Variants in GPC6 observed in about 807,000 individuals in gnomAD.
GPC6 encodes glypican 6.
Under a neutral mutation model 55.2 loss-of-function variants are expected in GPC6, and 14 were observed. The observed-to-expected ratio is 0.25, with a 90% CI of 0.17 to 0.40. GPC6 has a LOEUF of 0.40. Among genes scored for constraint, GPC6 ranks in the 10% least tolerant of loss-of-function variants. GPC6 has a pLI of 1.00. For missense variants in GPC6, 641 were observed against 708.5 expected (o/e 0.90, Z 1.08); for synonymous variants, 278 against 259.6 (o/e 1.07, Z -0.68).
chr13:93,533,274 A>C (rs1018237857), intron 1 of GPC6, among the ~76,000 whole-genome samples: 2 of 152,358 alleles, frequency 1.3e-5, no homozygotes, highest in Admixed American at 6.5e-5. Context: ...AGAACAGTCC[A>C]GGTCTATTAA....
chr13:93,587,501 C>G (rs1009420483), intron 2 of GPC6, among the ~76,000 whole-genome samples: 4 of 152,042 alleles, frequency 2.6e-5, no homozygotes, highest in Non-Finnish European at 4.4e-5. Flanking sequence ...TTAGCTTGGC[C>G]CAAATATGAT....
intron 6 of GPC6, among the ~76,000 whole-genome samples, chr13:94,375,144 TAAAAG>T (rs1413482971): frequency 1.3e-5 from 2 of 149,756 alleles, no homozygotes; most frequent in Non-Finnish European, 3.0e-5. Flanking sequence ...ACATCACAAT[TAAAAG>T]AACTAGAAAA....
intron 2 of GPC6, among the ~76,000 whole-genome samples, chr13:93,732,194 A>T (rs1189101953): frequency 6.6e-6 from 1 of 152,084 alleles, no homozygotes; most frequent in Non-Finnish European, 1.5e-5. Flanking sequence ...TGTCCCTGCA[A>T]ATTTATGCTG....
chr13:93,577,755 A>C (rs1876733401), intron 2 of GPC6, among the ~76,000 whole-genome samples: 1 of 151,980 alleles, frequency 6.6e-6, no homozygotes, highest in South Asian at 2.1e-4. Context: ...ATGTTAAATA[A>C]GAGTGGTGAA....
intron 4 of GPC6, among the ~76,000 whole-genome samples, chr13:94,176,776 T>C (rs1888790574): frequency 6.6e-6 from 1 of 152,158 alleles, no homozygotes; most frequent in Non-Finnish European, 1.5e-5. Context: ...AAATAAATGT[T>C]TCCTCAGAAC....
intron 1 of GPC6, among the ~76,000 whole-genome samples, chr13:93,400,850 G>A: frequency 6.6e-6 from 1 of 152,134 alleles, no homozygotes; most frequent in East Asian, 1.9e-4. Context: ...CAGAGCTGGG[G>A]GATGTGGGAA....
intron 6 of GPC6, among the ~76,000 whole-genome samples, chr13:94,367,965 A>G (rs1879357221): frequency 1.3e-5 from 2 of 151,962 alleles, no homozygotes; most frequent in Non-Finnish European, 2.9e-5. Context: ...CCTGGCCAAC[A>G]TGGTGAAACC....
intron 3 of GPC6, among the ~76,000 whole-genome samples, chr13:93,964,514 G>C (rs1879931249): frequency 6.6e-6 from 1 of 152,182 alleles, no homozygotes; most frequent in South Asian, 2.1e-4. Context: ...CATCCCCTAG[G>C]AGGGCTAATC....
chr13:94,328,939 T>A (rs1566681151), intron 6 of GPC6, among the ~76,000 whole-genome samples: 1 of 152,322 alleles, frequency 6.6e-6, no homozygotes, highest in Non-Finnish European at 1.5e-5. Flanking sequence ...ACTGTAAGCT[T>A]CTGTGTGAGT....
intron 4 of GPC6, among the ~76,000 whole-genome samples, chr13:94,085,321 CA>C (rs33967804): frequency 0.029 from 2,515 of 86,868 alleles, 72 homozygotes; most frequent in African/African-American, 0.1. Context: ...GATTCTGTCT[CA>C]AAAAAAAAAA....
At chr13:94,246,137 C>A (rs924974257) in intron 4 of GPC6, among the ~76,000 whole-genome samples, 7 of 151,896 alleles carry the variant, frequency 4.6e-5, no homozygotes, top group African/African-American at 1.7e-4. Flanking sequence ...TTTTTATGTG[C>A]CTGATGGCCA....
At chr13:93,343,687 G>A (rs1880338253) in intron 1 of GPC6, among the ~76,000 whole-genome samples, 1 of 152,024 alleles carries the variant, frequency 6.6e-6, no homozygotes, top group Non-Finnish European at 1.5e-5. Flanking sequence ...CTATAGAATT[G>A]TCATTCCTTA....
chr13:93,242,203 C>T (rs930814964), intron 1 of GPC6, among the ~76,000 whole-genome samples: 2 of 152,140 alleles, frequency 1.3e-5, no homozygotes, highest in African/African-American at 4.8e-5. Flanking sequence ...ATGGTGAGCA[C>T]ACATCCCAGC....
At chr13:93,961,932 A>G (rs541078971) in intron 3 of GPC6, among the ~76,000 whole-genome samples, 1 of 152,298 alleles carries the variant, frequency 6.6e-6, no homozygotes, top group African/African-American at 2.4e-5. Flanking sequence ...CTTGAAGCTA[A>G]TATTAACAGC....
At chr13:94,023,342 G>T (rs1385418953) in intron 3 of GPC6, among the ~76,000 whole-genome samples, 1 of 151,172 alleles carries the variant, frequency 6.6e-6, no homozygotes, top group East Asian at 1.9e-4. Flanking sequence ...ACACAAACCA[G>T]TTGGTGGATC....
At chr13:94,202,838 C>G (rs1451260267) in intron 4 of GPC6, among the ~76,000 whole-genome samples, 1 of 151,974 alleles carries the variant, frequency 6.6e-6, no homozygotes, top group Non-Finnish European at 1.5e-5. Flanking sequence ...TGAGGAGGAG[C>G]CTGGTAAGGC....
chr13:93,999,136 C>T (rs1594654587), intron 3 of GPC6, among the ~76,000 whole-genome samples: 1 of 152,218 alleles, frequency 6.6e-6, no homozygotes, highest in East Asian at 1.9e-4. Context: ...CCCATCAACC[C>T]CGTCACCTAC....
At chr13:94,206,055 G>A (rs951869964) in intron 4 of GPC6, among the ~76,000 whole-genome samples, 5 of 152,268 alleles carry the variant, frequency 3.3e-5, no homozygotes, top group African/African-American at 7.2e-5. Context: ...CCCAAATTTC[G>A]ATAGGGCTGA....
chr13:93,562,276 C>T (rs1875853422), intron 2 of GPC6, among the ~76,000 whole-genome samples: 1 of 152,026 alleles, frequency 6.6e-6, no homozygotes, highest in Non-Finnish European at 1.5e-5. Flanking sequence ...CGGCCTTACT[C>T]ACATTTTTAG....
Sources: allele counts gnomAD v4.1 joint callset (sites outside exome capture counted in the v4.1 genomes callset), GRCh38; gene constraint gnomAD v4.1.1; transcripts MANE v1.5; gene names NCBI Gene and HGNC (gene_info 2026-07-23, HGNC 2026-07-21).